Variants in SLC25A53 observed in about 807,000 individuals in gnomAD.
SLC25A53 encodes solute carrier family 25 member 53.
SLC25A53 carries 5 observed loss-of-function variants against 15.0 expected under a neutral mutation model. The observed-to-expected ratio is 0.33, with a 90% CI of 0.17 to 0.70. The LOEUF is 0.70. Among genes scored for constraint, SLC25A53 ranks in the 30% least tolerant of loss-of-function variants. The probability of loss-of-function intolerance (pLI) is 0.67; values close to 1 mark genes in which losing one functional copy is unlikely to be tolerated. For missense variants in SLC25A53, 216 were observed against 241.6 expected, an observed-to-expected ratio of 0.89 and a Z score of 0.70; for synonymous variants, 95 against 100.0, an observed-to-expected ratio of 0.95 and a Z score of 0.30.
Position 104,101,926 on chromosome X carries a change from G to A in SLC25A53, c.*2408C>T, listed in dbSNP as rs1322022795. On this transcript the variant is annotated 3_prime_UTR_variant, in exon 2 of 2. Transcript: ENST00000594199. The stretch of plus-strand genomic sequence containing the variant: ...AATAAGAAGTTAAAATGAAGAAAGG[G>A]ACATGGATGGACAGAATGACATAAG... 8.9e-6 allele frequency: 1 copy of A among 112,329 alleles called. No individual in the cohort carries two copies. Among genetic ancestry groups the A allele is most frequent in the Non-Finnish European group, 1.9e-5 (1 of 53,279 alleles). The allele number at this position is 112,329 out of a possible 1,213,427, so 9.3% of individuals were successfully genotyped here. A position where few individuals can be genotyped will look rare whatever the true frequency, so the allele number is the denominator to read the frequency against.
intron 1 of SLC25A53, among the ~76,000 whole-genome samples, chrX:104,139,545 GTGGCTCA>G (rs2075445486): frequency 8.9e-6 from 1 of 111,769 alleles, no homozygotes; most frequent in Admixed American, 9.5e-5. Context: ...GCTGGGTGCA[GTGGCTCA>G]TGCCTGTAAT....
intron 1 of SLC25A53, among the ~76,000 whole-genome samples, chrX:104,130,094 A>C (rs2075421936): frequency 9.0e-6 from 1 of 111,030 alleles, no homozygotes; most frequent in South Asian, 3.8e-4. Flanking sequence ...CAGCTGTCAA[A>C]GGTGAAGTTC....
chrX:104,108,148 T>C (rs2075321105), intron 1 of SLC25A53, among the ~76,000 whole-genome samples: 1 of 111,750 alleles, frequency 8.9e-6, no homozygotes, highest in East Asian at 2.8e-4. Context: ...GGAGTTCGTG[T>C]TTCTCCCATG....
chrX:104,118,283 C>T (rs1262117671), intron 1 of SLC25A53, among the ~76,000 whole-genome samples: 1 of 111,850 alleles, frequency 8.9e-6, no homozygotes, highest in Non-Finnish European at 1.9e-5. Context: ...GAGAAACCAG[C>T]CTTTGAATGA....
chrX:104,131,756 T>G (rs781794605), intron 1 of SLC25A53, among the ~76,000 whole-genome samples: 1 of 111,487 alleles, frequency 9.0e-6, no homozygotes, highest in Non-Finnish European at 1.9e-5. Context: ...ACTACACCTA[T>G]AGCCTCATCT....
At chrX:104,142,148 G>A (rs2075452332) in intron 1 of SLC25A53, among the ~76,000 whole-genome samples, 1 of 110,858 alleles carries the variant, frequency 9.0e-6, no homozygotes, top group African/African-American at 3.3e-5. Context: ...GGGAGGCTGA[G>A]GTGGGAGGAT....
chrX:104,107,716 G>A (rs1185527339), intron 1 of SLC25A53, among the ~76,000 whole-genome samples: 1 of 112,182 alleles, frequency 8.9e-6, no homozygotes, highest in Non-Finnish European at 1.9e-5. Context: ...TGATTTAGCA[G>A]AAAGAAAACT....
intron 1 of SLC25A53, among the ~76,000 whole-genome samples, chrX:104,121,707 C>T (rs1394991670): frequency 9.3e-6 from 1 of 107,008 alleles, no homozygotes; most frequent in Non-Finnish European, 1.9e-5. Flanking sequence ...TTAACATTTT[C>T]AATGGAACTT....
intron 1 of SLC25A53, among the ~76,000 whole-genome samples, chrX:104,147,642 A>T (rs2075472056): frequency 9.1e-6 from 1 of 110,230 alleles, no homozygotes; most frequent in Admixed American, 9.7e-5. Flanking sequence ...TGGGCAAAGG[A>T]CATGAACAGA....
At chrX:104,134,622 T>A (rs921366154) in intron 1 of SLC25A53, among the ~76,000 whole-genome samples, 2 of 111,779 alleles carry the variant, frequency 1.8e-5, no homozygotes, top group Non-Finnish European at 3.8e-5. Context: ...AGGTGGGTTG[T>A]GAGAATTAAG....
At chrX:104,124,732 C>T (rs994724875) in intron 1 of SLC25A53, among the ~76,000 whole-genome samples, 6 of 107,540 alleles carry the variant, frequency 5.6e-5, no homozygotes, top group Admixed American at 1.0e-4. Flanking sequence ...CCAGCCTGGG[C>T]GACAAAGCAA....
At chrX:104,139,141 C>A (rs1182521325) in intron 1 of SLC25A53, among the ~76,000 whole-genome samples, 1 of 112,907 alleles carries the variant, frequency 8.9e-6, no homozygotes, top group East Asian at 2.8e-4. Flanking sequence ...CAGTACTTCC[C>A]TTTCCCCTTC....
chrX:104,130,832 T>C (rs782284601), intron 1 of SLC25A53: 1 of 112,048 alleles, frequency 8.9e-6, no homozygotes, highest in Non-Finnish European at 1.9e-5. Context: ...TTTCCAAGTT[T>C]AACGGAAATA....
At chrX:104,123,550 T>A (rs1640820266) in intron 1 of SLC25A53, among the ~76,000 whole-genome samples, 1 of 111,614 alleles carries the variant, frequency 9.0e-6, no homozygotes, top group Admixed American at 9.5e-5. Flanking sequence ...TGTTTATTTT[T>A]TTTTTTTACT....
At position 104,100,781 on chromosome X, in the gene SLC25A53, C is replaced by G. The variant is rs1217181095; in HGVS notation, c.*3553G>C. ...ATACTCCGAGGGGAAAATACCCAAACTTTTTGCATTGCTCTTACACCACGG... is the reference window on the plus strand; with the variant it reads ...ATACTCCGAGGGGAAAATACCCAAAGTTTTTGCATTGCTCTTACACCACGG... On this transcript the variant is annotated 3_prime_UTR_variant, in exon 2 of 2. Coordinates refer to ENST00000594199, the MANE Select transcript of SLC25A53 (RefSeq NM_001012755.5). 2 of 112,230 alleles carry G rather than the reference C, an allele frequency of 1.8e-5. No individual in the cohort carries two copies. The highest frequency in any genetic ancestry group is 6.5e-5 in the African/African-American group (2 of 30,904). The allele number at this position is 112,230 out of a possible 1,213,427, so 9.2% of individuals were successfully genotyped here.
intron 1 of SLC25A53, chrX:104,112,432 C>G (rs1239533744): frequency 1.8e-5 from 2 of 114,209 alleles, no homozygotes; most frequent in East Asian, 2.8e-4. Context: ...GCCCGCTCCC[C>G]CTTCTTGCTA....
At chrX:104,137,724 C>G (rs782654577) in intron 1 of SLC25A53, among the ~76,000 whole-genome samples, 11 of 111,516 alleles carry the variant, frequency 9.9e-5, no homozygotes, top group Non-Finnish European at 2.1e-4. Context: ...ATGGACCAAC[C>G]AGAACTCAGC....
At chrX:104,128,237 A>C (rs1481972072) in intron 1 of SLC25A53, among the ~76,000 whole-genome samples, 1 of 111,866 alleles carries the variant, frequency 8.9e-6, no homozygotes, top group Non-Finnish European at 1.9e-5. Flanking sequence ...AATTATATAC[A>C]GATGGTGAAA....
rs1267116056 is a variant in SLC25A53 at position 104,121,876 on chromosome X, TATATATATATATATATATA to T, written c.-31-16607_-31-16589del. ...CTAGACATCACATCAAATGGTATGA[TATATATATATATATATATA>T]TATATATATATATATATATATATAT... On this transcript the variant is annotated intron_variant, in intron 1 of 1. Transcript: ENST00000594199. Among the ~76,000 whole-genome samples, 330 of 49,766 alleles carry T rather than the reference TATATATATATATATATATA, an allele frequency of 6.6e-3. 41 individuals are homozygous for T. Among genetic ancestry groups the T allele is most frequent in the African/African-American group, 0.022 (247 of 11,292 alleles). 43.2% of individuals were successfully genotyped at this position (49,766 alleles called of 115,157 possible).
Sources: gnomAD v4.1 joint callset for allele counts (sites outside exome capture counted in the v4.1 genomes callset) on GRCh38, gnomAD v4.1.1 for gene constraint, MANE v1.5 for transcripts, NCBI Gene and HGNC (gene_info 2026-07-23, HGNC 2026-07-21) for gene names.